GNAL: variants seen among roughly 807,000 people sequenced by gnomAD.
GNAL encodes G protein subunit alpha L.
GNAL carries 18 observed loss-of-function variants against 55.1 expected under a neutral mutation model. The observed-to-expected ratio is 0.33, with a 90% CI of 0.23 to 0.48. The LOEUF is 0.48. Among genes scored for constraint, GNAL ranks in the 20% least tolerant of loss-of-function variants. The pLI is 0.99. For missense variants in GNAL, 412 were observed against 614.1 expected (o/e 0.67, Z 3.48); for synonymous variants, 253 against 237.0 (o/e 1.07, Z -0.62).
rs1045388304 is a variant in GNAL at position 11,868,144 on chromosome 18, A to T, written c.911-399A>T. Among the ~76,000 whole-genome samples the T allele has an allele frequency of 2.0e-5, 3 of 151,304 alleles. No individual in the cohort carries two copies. The highest frequency in any genetic ancestry group is 4.4e-5 in the Non-Finnish European group (3 of 67,820). ...CTGTCTCGGAAGAAAATACAAAAAT[A>T]CAAAAATTAGCCAGGTGTGGTGACA... On this transcript the variant is annotated intron_variant, in intron 8 of 11. Coordinates refer to ENST00000334049, the MANE Select transcript of GNAL (RefSeq NM_182978.4). This position sits in a 1 kb window ranked among gnomAD's most constrained non-coding sequence, Gnocchi z 4.0.
At chr18:11,836,538 A>C (rs1006129610) in intron 5 of GNAL, among the ~76,000 whole-genome samples, 1 of 152,202 alleles carries the variant, frequency 6.6e-6, no homozygotes, top group Non-Finnish European at 1.5e-5. Context: ...GCTCATATTT[A>C]TTGAAACTTG....
intron 4 of GNAL, among the ~76,000 whole-genome samples, chr18:11,782,620 T>C (rs887292697): frequency 3.9e-5 from 6 of 152,162 alleles, no homozygotes; most frequent in African/African-American, 1.4e-4. Flanking sequence ...ATATTGGTTA[T>C]TGATCCTGTC....
intron 4 of GNAL, among the ~76,000 whole-genome samples, chr18:11,819,534 TATATC>T (rs1180603340): frequency 2.0e-5 from 3 of 152,148 alleles, no homozygotes; most frequent in South Asian, 4.1e-4. Flanking sequence ...AATATTCACA[TATATC>T]AGTTGCTGAA....
At chr18:11,735,766 AAGAAAGAG>A (rs1360561392) in intron 1 of GNAL, among the ~76,000 whole-genome samples, 1 of 150,566 alleles carries the variant, frequency 6.6e-6, no homozygotes, top group African/African-American at 2.5e-5. Flanking sequence ...AAAAAAAAAA[AAGAAAGAG>A]AGAAAGAAAG....
chr18:11,799,934 CCCCTGTACGTGTCCCTTTTTCCCTCT>C (rs2034480693), intron 4 of GNAL, among the ~76,000 whole-genome samples: 1 of 152,088 alleles, frequency 6.6e-6, no homozygotes, highest in African/African-American at 2.4e-5. Flanking sequence ...TCTTTCCCTC[CCCCTGTACGTGTCCCTTTTTCCCTCT>C]CCATTCCTTT....
intron 5 of GNAL, among the ~76,000 whole-genome samples, chr18:11,829,142 A>G (rs896409748): frequency 3.6e-4 from 55 of 152,232 alleles, no homozygotes; most frequent in African/African-American, 1.3e-3. Flanking sequence ...CCTCAGGCCA[A>G]GACTCCCTTC....
chr18:11,845,518 A>G (rs371919850), intron 5 of GNAL, among the ~76,000 whole-genome samples: 35 of 152,296 alleles, frequency 2.3e-4, no homozygotes, highest in African/African-American at 7.9e-4. Flanking sequence ...CGTGTGTTTC[A>G]TAGACCTAAC....
intron 5 of GNAL, among the ~76,000 whole-genome samples, chr18:11,841,644 C>CA (rs56295234): frequency 2.7e-4 from 33 of 122,732 alleles, no homozygotes; most frequent in African/African-American, 8.4e-4. Context: ...GGGTCTGTCT[C>CA]AAAAAAAAAA....
intron 4 of GNAL, among the ~76,000 whole-genome samples, chr18:11,817,480 T>G (rs1429518333): frequency 1.3e-5 from 2 of 152,260 alleles, no homozygotes; most frequent in East Asian, 3.8e-4. Context: ...GTTAACCTCA[T>G]GCAGTTGCTT....
At chr18:11,740,819 G>A (rs2032560212) in intron 1 of GNAL, among the ~76,000 whole-genome samples, 1 of 152,218 alleles carries the variant, frequency 6.6e-6, no homozygotes, top group South Asian at 2.1e-4. Flanking sequence ...GCTATGTGAT[G>A]ACAAATAAAA....
chr18:11,753,475 AT>A (rs2032931906), intron 2 of GNAL, 152 bp from the exon 3 acceptor site: 4 of 578,562 alleles, frequency 6.9e-6, no homozygotes, highest in Non-Finnish European at 9.3e-6. Context: ...CCTTTCCCAG[AT>A]AAAACCTTTG....
chr18:11,816,463 A>AT (rs2034957673), intron 4 of GNAL, among the ~76,000 whole-genome samples: 1 of 151,684 alleles, frequency 6.6e-6, no homozygotes, highest in Non-Finnish European at 1.5e-5. Context: ...CACCCAGCTA[A>AT]TTTTTTTGTA....
At chr18:11,759,667 C>T (rs944082795) in intron 4 of GNAL, among the ~76,000 whole-genome samples, 1 of 152,252 alleles carries the variant, frequency 6.6e-6, no homozygotes, top group African/African-American at 2.4e-5. Context: ...AAGTGGCCTA[C>T]ACCCACTGCA....
intron 4 of GNAL, among the ~76,000 whole-genome samples, chr18:11,770,033 A>C (rs1422954468): frequency 6.6e-6 from 1 of 152,228 alleles, no homozygotes; most frequent in Non-Finnish European, 1.5e-5. Flanking sequence ...AAAATGTTTT[A>C]ATTAGATAAT....
intron 1 of GNAL, among the ~76,000 whole-genome samples, chr18:11,709,263 A>T (rs1036353575): frequency 2.7e-5 from 4 of 149,352 alleles, no homozygotes; most frequent in African/African-American, 9.9e-5. Flanking sequence ...CTTTCTCAAG[A>T]TTACTTTGTC....
Position 11,884,723 on chromosome 18 carries a change from C to T in GNAL, c.*3588C>T. ...CAGAGGGAAGACTGCCTTCTCAGGT[C>T]CCCCTCAGGTGAGGCAGGGAACGGG... On this transcript the variant is annotated 3_prime_UTR_variant, in exon 12 of 12. Transcript: ENST00000334049. The T allele has an allele frequency of 7.2e-7, 1 of 1,395,366 alleles. No homozygotes were observed. Among genetic ancestry groups the T allele is most frequent in the South Asian group, 1.3e-5 (1 of 76,164 alleles). The allele number at this position is 1,395,366 out of a possible 1,614,324, so 86.4% of individuals were successfully genotyped here.
intron 1 of GNAL, among the ~76,000 whole-genome samples, chr18:11,709,734 A>C (rs1187857097): frequency 1.3e-5 from 2 of 152,192 alleles, no homozygotes; most frequent in East Asian, 3.9e-4. Context: ...GTATAAGATC[A>C]TGCCATCTGC....
At chr18:11,750,578 G>A (rs1050140778) in intron 1 of GNAL, among the ~76,000 whole-genome samples, 1 of 152,156 alleles carries the variant, frequency 6.6e-6, no homozygotes, top group Non-Finnish European at 1.5e-5. Flanking sequence ...CAAAGCAGGA[G>A]CCACAGAGAC....
intron 7 of GNAL, among the ~76,000 whole-genome samples, chr18:11,866,616 G>C (rs998541592): frequency 6.6e-6 from 1 of 150,392 alleles, no homozygotes; most frequent in South Asian, 2.1e-4. Context: ...GCTGGGCAGA[G>C]CAGCCTGCAC....
Sources: allele counts gnomAD v4.1 joint callset (sites outside exome capture counted in the v4.1 genomes callset), GRCh38; gene constraint gnomAD v4.1.1; non-coding constraint Gnocchi (gnomAD v3.1); transcripts MANE v1.5; gene names NCBI Gene and HGNC (gene_info 2026-07-23, HGNC 2026-07-21).